TENM2: variants seen among roughly 807,000 people sequenced by gnomAD.
TENM2 encodes teneurin transmembrane protein 2, also known as teneurin-2.
A neutral mutation model predicts 245.2 loss-of-function variants in TENM2; 52 were observed. The observed-to-expected ratio is 0.21, with a 90% confidence interval of 0.17 to 0.27. The LOEUF is 0.27. Among genes scored for constraint, TENM2 ranks in the 10% least tolerant of loss-of-function variants. The pLI is 1.00. For missense variants in TENM2, 3,046 were observed against 3,666.8 expected, an observed-to-expected ratio of 0.83 and a Z score of 4.37; for synonymous variants, 1,363 against 1,438.9, an observed-to-expected ratio of 0.95 and a Z score of 1.19.
intron 23 of TENM2, 92 bp downstream of exon 25, chr5:168,219,091 T>C: frequency 7.9e-7 from 1 of 1,264,864 alleles, no homozygotes; most frequent in Non-Finnish European, 1.1e-6. Context: ...TTAAATTGCT[T>C]TGTCACGTTG....
At chr5:167,536,779 G>A (rs897297307) in intron 2 of TENM2, among the ~76,000 whole-genome samples, 4 of 152,170 alleles carry the variant, frequency 2.6e-5, no homozygotes, top group African/African-American at 4.8e-5. Context: ...CACTTTGGGA[G>A]ACCGAGGCAG....
chr5:167,353,652 C>T (rs956435906), intron 1 of TENM2, among the ~76,000 whole-genome samples: 2 of 150,380 alleles, frequency 1.3e-5, no homozygotes, highest in South Asian at 4.2e-4. Context: ...GGACAACAGG[C>T]GCCCGCCACT....
intron 9 of TENM2, among the ~76,000 whole-genome samples, chr5:168,107,153 C>T (rs1051520035): frequency 6.6e-6 from 1 of 152,306 alleles, no homozygotes; most frequent in East Asian, 1.9e-4. Context: ...TCACCTTCCT[C>T]TTCCCACCAC....
At chr5:168,012,664 A>C (rs10064267) in intron 5 of TENM2, among the ~76,000 whole-genome samples, 8,223 of 150,374 alleles carry the variant, frequency 0.055, 441 homozygotes, top group African/African-American at 0.13. Flanking sequence ...AAAAAAACAA[A>C]AAAAAAAACT....
At chr5:167,909,068 CTTT>C (rs66529660) in intron 3 of TENM2, among the ~76,000 whole-genome samples, 7 of 135,526 alleles carry the variant, frequency 5.2e-5, no homozygotes, top group African/African-American at 1.1e-4. Context: ...TTTTCTCTCT[CTTT>C]TTTTTTTTTT....
At chr5:167,711,112 G>A (rs1343342108) in intron 2 of TENM2, among the ~76,000 whole-genome samples, 2 of 152,176 alleles carry the variant, frequency 1.3e-5, no homozygotes, top group South Asian at 4.1e-4. Context: ...CCTGGCCAAA[G>A]GTTCAAAACT....
At chr5:167,940,322 A>T (rs1779073859) in intron 3 of TENM2, among the ~76,000 whole-genome samples, 1 of 152,078 alleles carries the variant, frequency 6.6e-6, no homozygotes, top group South Asian at 2.1e-4. Flanking sequence ...TCTACCAAGT[A>T]CTCCAAGAGC....
chr5:167,827,349 C>G (rs1768053728), intron 2 of TENM2, among the ~76,000 whole-genome samples: 1 of 152,018 alleles, frequency 6.6e-6, no homozygotes, highest in Non-Finnish European at 1.5e-5. Flanking sequence ...AAATTTTAAT[C>G]AACAGTTTCA....
chr5:167,827,633 G>GGGGT (rs1554126504), intron 2 of TENM2, among the ~76,000 whole-genome samples: 1 of 120,030 alleles, frequency 8.3e-6, no homozygotes, highest in African/African-American at 3.1e-5. Context: ...GTGGGCGGGG[G>GGGGT]GGGGGGAACA....
At chr5:167,108,364 G>A in the TENM2 span, among the ~76,000 whole-genome samples, 4 of 152,214 alleles carry the variant, frequency 2.6e-5, no homozygotes, top group East Asian at 7.7e-4. Flanking sequence ...GACCTCAGGT[G>A]ATCCACCCAC....
chr5:167,393,395 T>C (rs1761878035), intron 2 of TENM2, among the ~76,000 whole-genome samples: 2 of 152,132 alleles, frequency 1.3e-5, no homozygotes, highest in Admixed American at 6.6e-5. Flanking sequence ...GACATTTGAA[T>C]GAAAACCTCA....
intron 2 of TENM2, among the ~76,000 whole-genome samples, chr5:167,712,242 C>G (rs767120792): frequency 2.6e-5 from 4 of 152,130 alleles, no homozygotes; most frequent in Non-Finnish European, 4.4e-5. Context: ...TCATGAATAT[C>G]TCTACAAATG....
At chr5:168,193,265 T>G (rs7702720) in intron 14 of TENM2, among the ~76,000 whole-genome samples, 44,364 of 152,166 alleles carry the variant, frequency 0.29, 8,237 homozygotes, top group Non-Finnish European at 0.41. Flanking sequence ...CAGTACATTA[T>G]CATCTTACAA....
At chr5:168,121,483 T>C (rs1431911157) in intron 10 of TENM2, among the ~76,000 whole-genome samples, 1 of 152,198 alleles carries the variant, frequency 6.6e-6, no homozygotes. Context: ...AAGGGCATAT[T>C]TACTGGTATC....
At chr5:168,219,400 C>G (rs906012650) in intron 23 of TENM2, among the ~76,000 whole-genome samples, 1 of 152,162 alleles carries the variant, frequency 6.6e-6, no homozygotes. Flanking sequence ...CAGCAACACA[C>G]TTGATTGCAC....
At chr5:167,199,208 C>T in the TENM2 span, among the ~76,000 whole-genome samples, 1 of 151,512 alleles carries the variant, frequency 6.6e-6, no homozygotes, top group African/African-American at 2.4e-5. Flanking sequence ...CTGCTGATGG[C>T]ATCACATAAA....
chr5:167,562,070 G>A (rs1773628035), intron 2 of TENM2, among the ~76,000 whole-genome samples: 1 of 152,122 alleles, frequency 6.6e-6, no homozygotes, highest in African/African-American at 2.4e-5. Flanking sequence ...AGGGATGGCT[G>A]TGCCAGCTTC....
chr5:168,175,210 C>G (rs1162767888), intron 13 of TENM2, among the ~76,000 whole-genome samples: 1 of 152,226 alleles, frequency 6.6e-6, no homozygotes, highest in Non-Finnish European at 1.5e-5. Flanking sequence ...TTATAGACAG[C>G]AACTTAATGC....
At chr5:167,679,354 C>A (rs1756545802) in intron 2 of TENM2, among the ~76,000 whole-genome samples, 1 of 152,028 alleles carries the variant, frequency 6.6e-6, no homozygotes, top group African/African-American at 2.4e-5. Context: ...CATTAGATTT[C>A]AAAGCTCTGG....
Sources: allele counts gnomAD v4.1 joint callset (sites outside exome capture counted in the v4.1 genomes callset), GRCh38; gene constraint gnomAD v4.1.1; transcripts MANE v1.5; gene names NCBI Gene and HGNC (gene_info 2026-07-23, HGNC 2026-07-21).